TAS2R1: variants seen among roughly 807,000 people sequenced by gnomAD.
The protein encoded by TAS2R1 is taste 2 receptor member 1, also known as taste receptor type 2 member 1.
For missense variants in TAS2R1, 370 were observed against 353.4 expected (o/e 1.05, Z -0.38); for synonymous variants, 141 against 134.2 (o/e 1.05, Z -0.35).
the TAS2R1 span, among the ~76,000 whole-genome samples, chr5:9,902,416 T>C: frequency 3.9e-4 from 60 of 152,024 alleles, 1 homozygote; most frequent in African/African-American, 1.4e-3. Context: ...CAGCCATGGC[T>C]GTCATTTGGC....
the TAS2R1 span, among the ~76,000 whole-genome samples, chr5:9,865,734 G>T: frequency 6.6e-6 from 1 of 152,154 alleles, no homozygotes; most frequent in Non-Finnish European, 1.5e-5. Flanking sequence ...ATTGTGTTTT[G>T]ACTCTCATTG....
At chr5:9,671,319 A>C (rs1429293229) in intron 1 of TAS2R1, among the ~76,000 whole-genome samples, 1 of 152,158 alleles carries the variant, frequency 6.6e-6, no homozygotes, top group Non-Finnish European at 1.5e-5. Context: ...AATAAAGAAA[A>C]GCCATCCAAA....
the TAS2R1 span, among the ~76,000 whole-genome samples, chr5:9,808,694 A>C: frequency 6.6e-6 from 1 of 152,182 alleles, no homozygotes; most frequent in African/African-American, 2.4e-5. Context: ...GGCTGCAAAC[A>C]TATACCATTC....
the TAS2R1 span, among the ~76,000 whole-genome samples, chr5:9,799,652 G>A: frequency 6.6e-6 from 1 of 152,146 alleles, no homozygotes; most frequent in Non-Finnish European, 1.5e-5. Context: ...AAATTAGGGG[G>A]CATAATTCTC....
upstream of TAS2R1, among the ~76,000 whole-genome samples, chr5:9,715,801 A>G (rs78954788): frequency 6.5e-3 from 988 of 152,354 alleles, 5 homozygotes; most frequent in African/African-American, 0.022. Context: ...CAGAGCATCA[A>G]GAAGGCTATG....
chr5:9,897,140 C>T, the TAS2R1 span, among the ~76,000 whole-genome samples: 8 of 152,242 alleles, frequency 5.3e-5, no homozygotes, highest in Non-Finnish European at 8.8e-5. Context: ...TTTCTTAAAA[C>T]AAAACAAAAC....
chr5:9,889,795 C>T, the TAS2R1 span: 2 of 152,102 alleles, frequency 1.3e-5, no homozygotes, highest in African/African-American at 4.8e-5. Context: ...GGGATCCAAC[C>T]CAGGCTGACG....
upstream of TAS2R1, among the ~76,000 whole-genome samples, chr5:9,716,493 C>T (rs1042106105): frequency 1.3e-5 from 2 of 152,012 alleles, no homozygotes; most frequent in Non-Finnish European, 2.9e-5. Context: ...CCAGAGACAA[C>T]AATCGATTTC....
At chr5:9,723,606 T>C in the TAS2R1 span, among the ~76,000 whole-genome samples, 1 of 152,176 alleles carries the variant, frequency 6.6e-6, no homozygotes, top group African/African-American at 2.4e-5. Flanking sequence ...ATGCCCACCC[T>C]CACTGCCAAG....
the TAS2R1 span, among the ~76,000 whole-genome samples, chr5:9,773,051 T>C: frequency 6.6e-6 from 1 of 152,094 alleles, no homozygotes; most frequent in Non-Finnish European, 1.5e-5. Flanking sequence ...CACTTTGTTA[T>C]TTTTCTGGTT....
intron 1 of TAS2R1, among the ~76,000 whole-genome samples, chr5:9,695,807 A>C (rs1399145336): frequency 6.6e-6 from 1 of 152,198 alleles, no homozygotes; most frequent in Non-Finnish European, 1.5e-5. Context: ...ATGGAGCCTG[A>C]GAGGCAGGAG....
At chr5:9,711,266 A>C (rs1734654724) in intron 1 of TAS2R1, among the ~76,000 whole-genome samples, 1 of 152,182 alleles carries the variant, frequency 6.6e-6, no homozygotes. Flanking sequence ...AACAACTGAA[A>C]TGTCCATTGA....
intron 2 of TAS2R1, among the ~76,000 whole-genome samples, chr5:9,659,220 G>C (rs1740479342): frequency 6.6e-6 from 1 of 152,150 alleles, no homozygotes; most frequent in Non-Finnish European, 1.5e-5. Context: ...ACCCAGGGGA[G>C]CACAGGGACC....
the TAS2R1 span, among the ~76,000 whole-genome samples, chr5:9,814,762 G>GT: frequency 1.7e-4 from 26 of 151,996 alleles, no homozygotes; most frequent in African/African-American, 5.3e-4. Flanking sequence ...TGCTGGATCT[G>GT]TCAGAAAAAA....
Position 9,629,557 on chromosome 5 carries a change from A to C in TAS2R1, c.476T>G (p.Phe159Cys). 1 of 1,613,984 alleles carries C rather than the reference A, an allele frequency of 6.2e-7. No individual in the cohort carries two copies. The highest frequency in any genetic ancestry group is 1.3e-5 in the African/African-American group (1 of 74,996). The change falls in exon 1 of 1, where the codon TTT becomes TGT. Residue 159 changes from phenylalanine (F) to cysteine (C), a missense_variant. Coordinates refer to ENST00000382492, the MANE Select transcript of TAS2R1 (RefSeq NM_019599.3). ...TTGAATTGTGGCATTTTGGGAGAAA[A>C]ATTTCCTTAGGAAGTATGGGACCAT... ...GFMVPYFLRK[F>C]FSQNATIQKE... is the part of the protein sequence containing the mutation.
chr5:9,833,181 C>T, the TAS2R1 span, among the ~76,000 whole-genome samples: 61 of 152,254 alleles, frequency 4.0e-4, no homozygotes, highest in African/African-American at 1.1e-3. Context: ...TTGTCTCAGG[C>T]GAGCCTCAGA....
chr5:9,753,209 G>A, the TAS2R1 span, among the ~76,000 whole-genome samples: 18 of 152,194 alleles, frequency 1.2e-4, no homozygotes, highest in East Asian at 3.9e-4. Context: ...CTCCAGCACC[G>A]GTTGTTTCCT....
chr5:9,802,996 A>C, the TAS2R1 span, among the ~76,000 whole-genome samples: 1 of 152,300 alleles, frequency 6.6e-6, no homozygotes, highest in South Asian at 2.1e-4. Context: ...GAAATCAAAA[A>C]CCTGATACAG....
chr5:9,810,722 G>A, the TAS2R1 span, among the ~76,000 whole-genome samples: 36 of 152,260 alleles, frequency 2.4e-4, no homozygotes, highest in African/African-American at 8.4e-4. Flanking sequence ...CCATAATCCA[G>A]GGAGCATTAG....
Sources: gnomAD v4.1 joint callset for allele counts (sites outside exome capture counted in the v4.1 genomes callset) on GRCh38, gnomAD v4.1.1 for gene constraint, MANE v1.5 for transcripts, NCBI Gene and HGNC (gene_info 2026-07-23, HGNC 2026-07-21) for gene names.